DNAH3: variants seen among roughly 807,000 people sequenced by gnomAD.
DNAH3 encodes the protein dynein axonemal heavy chain 3.
A neutral mutation model predicts 432.5 loss-of-function variants in DNAH3; 332 were observed. The observed-to-expected ratio is 0.77, with a 90% CI of 0.70 to 0.84. The LOEUF (loss-of-function observed/expected upper bound fraction) is 0.84, where lower values mean the gene tolerates loss of function less well. Among genes scored for constraint, DNAH3 ranks in the 40% least tolerant of loss-of-function variants. DNAH3 has a pLI of 0.00. For synonymous variants in DNAH3, 1,956 were observed against 1,900.2 expected (o/e 1.03, Z -0.76); for missense variants, 4,861 against 5,114.0 (o/e 0.95, Z 1.51).
intron 41 of DNAH3, among the ~76,000 whole-genome samples, chr16:21,008,905 A>C (rs2087449238): frequency 6.6e-6 from 1 of 152,198 alleles, no homozygotes; most frequent in Non-Finnish European, 1.5e-5. Context: ...TTTAGGATTA[A>C]AAAACGTTTG....
chr16:20,940,410 G>A (rs964061821), intron 59 of DNAH3, among the ~76,000 whole-genome samples: 1 of 151,902 alleles, frequency 6.6e-6, no homozygotes, highest in Non-Finnish European at 1.5e-5. Flanking sequence ...GTAACTGGAC[G>A]TATTTCAAAA....
rs4783528 is a variant in DNAH3 at position 21,151,513 on chromosome 16, G to T, written c.118-5425C>A. 5.4e-3 allele frequency among the ~76,000 whole-genome samples: 814 copies of T among 151,848 alleles called. 4 individuals carry two copies. The highest frequency in any genetic ancestry group is 9.2e-3 in the Non-Finnish European group (626 of 67,956). On this transcript the variant is annotated intron_variant, in intron 1 of 61. Coordinates refer to ENST00000261383, the Ensembl canonical transcript of DNAH3. The stretch of plus-strand genomic sequence containing the variant: ...GGGTTTCACCGTGTTAGCCAGGATG[G>T]TCTCAATCTCCTGACCTCGTGATCC...
chr16:21,000,190 T>A (rs2086949704), intron 43 of DNAH3, 34 bp downstream of exon 43: 1 of 1,592,732 alleles, frequency 6.3e-7, no homozygotes, highest in South Asian at 1.1e-5. Flanking sequence ...GGTGGAAGAA[T>A]CTGGTTGTGT....
chr16:20,934,884 G>T (rs1164658743), intron 61 of DNAH3, among the ~76,000 whole-genome samples: 7 of 152,128 alleles, frequency 4.6e-5, no homozygotes, highest in Non-Finnish European at 1.0e-4. Flanking sequence ...TGGACTAGAT[G>T]ATTTCAAAGG....
chr16:20,959,041 TAC>T, intron 54 of DNAH3, 136 bp downstream of exon 54: 1 of 839,218 alleles, frequency 1.2e-6, no homozygotes, highest in Admixed American at 2.4e-5. Context: ...GTGCTGGGAT[TAC>T]AGACATGAGC....
exon 53 of DNAH3, chr16:20,964,205 C>T (rs778824535): frequency 1.9e-6 from 3 of 1,614,110 alleles, no homozygotes; most frequent in Non-Finnish European, 2.5e-6. Flanking sequence ...TTGGCACTTT[C>T]CACAATCAAC....
At chr16:21,154,732 T>G (rs1166481898) in intron 1 of DNAH3, among the ~76,000 whole-genome samples, 2 of 152,204 alleles carry the variant, frequency 1.3e-5, no homozygotes, top group Admixed American at 1.3e-4. Flanking sequence ...CAGGAAAGCT[T>G]GAACTTGGTT....
At chr16:21,114,833 T>C (rs552138291) in intron 12 of DNAH3, among the ~76,000 whole-genome samples, 11 of 152,276 alleles carry the variant, frequency 7.2e-5, no homozygotes, top group African/African-American at 2.4e-4. Flanking sequence ...GACAGTGTGG[T>C]GATTCCTCAA....
At chr16:21,036,903 C>T in intron 34 of DNAH3, 55 bp from the exon 35 acceptor site, 1 of 1,437,114 alleles carries the variant, frequency 7.0e-7, no homozygotes, top group Admixed American at 1.9e-5. Flanking sequence ...GATATATGAC[C>T]TCAACATTTT....
chr16:21,109,122 CAA>C (rs201303338), intron 14 of DNAH3, among the ~76,000 whole-genome samples: 24 of 62,350 alleles, frequency 3.8e-4, no homozygotes, highest in Admixed American at 5.8e-4. Flanking sequence ...GACTCTGTCT[CAA>C]AAAAAAAAAA....
intron 59 of DNAH3, among the ~76,000 whole-genome samples, chr16:20,938,937 G>A (rs980068184): frequency 4.6e-5 from 7 of 152,086 alleles, no homozygotes; most frequent in Non-Finnish European, 4.4e-5. Flanking sequence ...ATAATTTTAT[G>A]TATTTTTGGT....
chr16:21,121,394 A>G (rs2092336782), intron 10 of DNAH3, among the ~76,000 whole-genome samples: 2 of 152,234 alleles, frequency 1.3e-5, no homozygotes, highest in Admixed American at 1.3e-4. Flanking sequence ...AGTGGCTAAA[A>G]CATAACAAAC....
intron 23 of DNAH3, among the ~76,000 whole-genome samples, chr16:21,068,393 C>A (rs2090656272): frequency 6.6e-6 from 1 of 151,978 alleles, no homozygotes; most frequent in Non-Finnish European, 1.5e-5. Flanking sequence ...GGGCTCACTG[C>A]AACCTCTGCC....
chr16:21,016,029 T>G (rs976632796), intron 41 of DNAH3, among the ~76,000 whole-genome samples: 10 of 152,178 alleles, frequency 6.6e-5, no homozygotes, highest in African/African-American at 2.2e-4. Flanking sequence ...CCTCAAGTGA[T>G]CTGCCTGCCT....
chr16:20,957,046 T>C (rs541801454), intron 54 of DNAH3, among the ~76,000 whole-genome samples: 1 of 152,292 alleles, frequency 6.6e-6, no homozygotes, highest in African/African-American at 2.4e-5. Context: ...TTGAAACTAA[T>C]GGACTTCTCT....
At chr16:21,111,584 T>C (rs745344672) in intron 14 of DNAH3, 42 bp downstream of exon 14, 1 of 1,572,674 alleles carries the variant, frequency 6.4e-7, no homozygotes, top group Non-Finnish European at 8.7e-7. Context: ...CTCCAGTTGG[T>C]GCCAAATACC....
exon 41 of DNAH3, chr16:21,019,688 C>T: frequency 6.2e-7 from 1 of 1,614,088 alleles, no homozygotes; most frequent in Non-Finnish European, 8.5e-7. Flanking sequence ...GGTTATCATC[C>T]ATGCCCATGA....
chr16:21,058,118 C>G, exon 27 of DNAH3: 1 of 1,613,354 alleles, frequency 6.2e-7, no homozygotes, highest in Non-Finnish European at 8.5e-7. Context: ...GCTTGGGACA[C>G]CTCCTGGGTC....
chr16:20,959,368 C>T, exon 54 of DNAH3: 1 of 1,613,990 alleles, frequency 6.2e-7, no homozygotes, highest in South Asian at 1.1e-5. Context: ...TGTTCTGGTA[C>T]CTCCCATACC....
Sources: gnomAD v4.1 joint callset for allele counts (sites outside exome capture counted in the v4.1 genomes callset) on GRCh38, gnomAD v4.1.1 for gene constraint, MANE v1.5 for transcripts, NCBI Gene and HGNC (gene_info 2026-07-23, HGNC 2026-07-21) for gene names.